The following JAKMIP1 variants were observed in gnomAD, a reference collection of about 807,000 sequenced individuals.
JAKMIP1 encodes janus kinase and microtubule-interacting protein 1.
In JAKMIP1, 33 loss-of-function variants were observed where a neutral mutation model predicts 113.0. The observed-to-expected ratio is 0.29, with a 90% CI of 0.22 to 0.39. The LOEUF is 0.39. JAKMIP1 is among the 10% of genes least tolerant of loss of function. JAKMIP1 has a pLI of 1.00. For synonymous variants in JAKMIP1, 480 were observed against 459.9 expected (o/e 1.04, Z -0.56); for missense variants, 813 against 1,080.5 (o/e 0.75, Z 3.47).
At position 6,089,585 on chromosome 4, in the gene JAKMIP1, C is replaced by T. The variant is rs1467145; in HGVS notation, c.625-3956G>A. On this transcript the variant is annotated intron_variant, in intron 3 of 20. Transcript: ENST00000409021. This position sits in a 1 kb window ranked among gnomAD's most constrained non-coding sequence, Gnocchi z 5.3. ...TCAAGTGCAGATTGTACTCTCCAAG[C>T]CCTCCCTGTCCCCTCTGCCCCAAAG... 0.44 allele frequency among the ~76,000 whole-genome samples: 67,135 copies of T among 152,048 alleles called. 15,853 individuals are homozygous for T. Among genetic ancestry groups the T allele is most frequent in the Admixed American group, 0.6 (9,115 of 15,284 alleles).
Position 6,155,872 on chromosome 4 carries a change from AG to A in JAKMIP1, c.-147-42876del, listed in dbSNP as rs1342283199. 6.6e-6 allele frequency among the ~76,000 whole-genome samples: 1 copy of A among 152,120 alleles called. No individual in the cohort carries two copies. The highest frequency in any genetic ancestry group is 1.5e-5 in the Non-Finnish European group (1 of 68,024). ...CTAGACCTCATGAATGGCACTCTCT[AG>A]AGGTGGGGCCTGGCAATCTTAAGTT... On this transcript the variant is annotated intron_variant, in intron 1 of 20. Transcript: ENST00000409021. The surrounding 1 kb of genome is among the most constrained non-coding windows in gnomAD (Gnocchi z 6.1).
At chr4:6,063,476 G>C (rs529640835) in intron 9 of JAKMIP1, among the ~76,000 whole-genome samples, 3 of 152,252 alleles carry the variant, frequency 2.0e-5, no homozygotes, top group African/African-American at 7.2e-5. Context: ...CTGATGGACT[G>C]TTGTGTGCCT....
chr4:6,198,879 C>A (rs1287113619), intron 1 of JAKMIP1, among the ~76,000 whole-genome samples: 6 of 152,250 alleles, frequency 3.9e-5, no homozygotes, highest in Non-Finnish European at 1.5e-5. Context: ...CCCTCCACAC[C>A]AGCGGGTTAC....
chr4:6,106,067 C>A lies in JAKMIP1; in HGVS notation c.130-100G>T. ...GGAGCTGGCCACAGCCTCCCCACGC[C>A]CAAGACACCCACCTGGGCCCACGTT... On this transcript the variant is annotated intron_variant, in intron 2 of 20. Coordinates refer to ENST00000409021, the MANE Select transcript of JAKMIP1 (RefSeq NM_001099433.2). This position sits in a 1 kb window ranked among gnomAD's most constrained non-coding sequence, Gnocchi z 5.9. 2.6e-6 allele frequency: 2 copies of A among 765,508 alleles called. No individual in the cohort carries two copies. Among genetic ancestry groups the A allele is most frequent in the Non-Finnish European group, 4.1e-6 (2 of 482,792 alleles). The allele number at this position is 765,508 out of a possible 1,614,324, so 47.4% of individuals were successfully genotyped here.
In JAKMIP1 at chr4:6,103,058, G is replaced by C. The variant is rs77550860; in HGVS notation, c.624+2415C>G. ...ATCCTGGCCAATGCAATGTTGACTA[G>C]AAGTGGTAATAGTCAACATCTTGTT... On this transcript the variant is annotated intron_variant, in intron 3 of 20. Transcript: ENST00000409021. Among the ~76,000 whole-genome samples, 1,374 of 152,186 alleles carry C rather than the reference G, an allele frequency of 9.0e-3. 20 individuals carry two copies. Among genetic ancestry groups the C allele is most frequent in the African/African-American group, 0.032 (1,324 of 41,502 alleles).
chr4:6,060,535 C>A (rs1019998739), intron 10 of JAKMIP1, 28 bp from the exon 11 acceptor site: 1 of 1,553,892 alleles, frequency 6.4e-7, no homozygotes, highest in Non-Finnish European at 8.9e-7. Context: ...AGGCAGTGAG[C>A]AGGTCACCTC....
chr4:6,066,747 C>A (rs7658648), intron 8 of JAKMIP1, among the ~76,000 whole-genome samples: 28,657 of 151,936 alleles, frequency 0.19, 4,070 homozygotes, highest in African/African-American at 0.4. Flanking sequence ...TCCATTGGGA[C>A]CTTCATCTTG....
chr4:6,069,014 T>C lies in JAKMIP1; in HGVS notation c.1303-4006A>G, dbSNP rs1169325077. 6.6e-6 allele frequency among the ~76,000 whole-genome samples: 1 copy of C among 152,228 alleles called. No individual in the cohort carries two copies. The highest frequency in any genetic ancestry group is 2.4e-5 in the African/African-American group (1 of 41,452). On this transcript the variant is annotated intron_variant, in intron 8 of 20. Transcript: ENST00000409021. This position sits in a 1 kb window ranked among gnomAD's most constrained non-coding sequence, Gnocchi z 4.5. ...CCTACATGTACTCGATTTCTCAATA[T>C]ATTTGTGTCTTTATTAATAAAAAAT... is the stretch of plus-strand genomic sequence containing the variant.
At chr4:6,198,456 G>T (rs73795780) in intron 1 of JAKMIP1, among the ~76,000 whole-genome samples, 204 of 152,294 alleles carry the variant, frequency 1.3e-3, no homozygotes, top group African/African-American at 4.7e-3. Flanking sequence ...TGAGGAACTG[G>T]TGAGGTCGTG....
rs1423509840 is a variant in JAKMIP1 at position 6,076,015 on chromosome 4, A to G, written c.1302+2924T>C. On this transcript the variant is annotated intron_variant, in intron 8 of 20. Transcript: ENST00000409021. The surrounding 1 kb of genome is among the most constrained non-coding windows in gnomAD (Gnocchi z 4.8). ...AACATGGTGAAACCCCGTCTCTACT[A>G]AAAATACAAAATTAGCCAGGCGTGG... Among the ~76,000 whole-genome samples, 1 of 152,142 alleles carries G rather than the reference A, an allele frequency of 6.6e-6. No homozygotes were observed. Among genetic ancestry groups the G allele is most frequent in the Non-Finnish European group, 1.5e-5 (1 of 68,026 alleles).
At position 6,041,728 on chromosome 4, in the gene JAKMIP1, T is replaced by A. The variant is rs558623207; in HGVS notation, c.2097+431A>T. Among the ~76,000 whole-genome samples, 3 of 152,194 alleles carry A rather than the reference T, an allele frequency of 2.0e-5. No homozygotes were observed. In the East Asian group the frequency reaches 5.8e-4, roughly 29 times the overall value. On this transcript the variant is annotated intron_variant, in intron 17 of 20. Coordinates refer to ENST00000409021, the MANE Select transcript of JAKMIP1 (RefSeq NM_001099433.2). ...AAACTAAAGTCCAGTTTCCCAAGTT[T>A]TCATGGCCAGCAAAGATTTGAGCCA...
chr4:6,166,339 C>T (rs1723630012), intron 1 of JAKMIP1, among the ~76,000 whole-genome samples: 1 of 152,212 alleles, frequency 6.6e-6, no homozygotes, highest in Admixed American at 6.5e-5. Flanking sequence ...CCCCTGGGCT[C>T]CCCTCCCCAG....
chr4:6,110,176 AT>A (rs1714685841), intron 2 of JAKMIP1, among the ~76,000 whole-genome samples: 1 of 152,160 alleles, frequency 6.6e-6, no homozygotes, highest in African/African-American at 2.4e-5. Flanking sequence ...ATGTGATTCC[AT>A]TTGGAGATAG....
chr4:6,177,625 G>A (rs1415248155), intron 1 of JAKMIP1, among the ~76,000 whole-genome samples: 1 of 152,180 alleles, frequency 6.6e-6, no homozygotes, highest in East Asian at 1.9e-4. Flanking sequence ...AGGCTGTTGT[G>A]TGGATTAAAC....
At chr4:6,046,555 G>C (rs1316791754) in intron 16 of JAKMIP1, among the ~76,000 whole-genome samples, 3 of 151,810 alleles carry the variant, frequency 2.0e-5, no homozygotes, top group African/African-American at 7.3e-5. Context: ...CCAGCTTGGG[G>C]AGGTTGGTGG....
intron 1 of JAKMIP1, among the ~76,000 whole-genome samples, chr4:6,117,509 A>C (rs62284812): frequency 0.37 from 49,574 of 134,200 alleles, 8,763 homozygotes; most frequent in East Asian, 0.6. Flanking sequence ...TCACAGGACC[A>C]CAGGACCAGG....
Position 6,197,554 on chromosome 4 carries a change from G to T in JAKMIP1, c.-148+2699C>A, listed in dbSNP as rs1219792562. 6.6e-6 allele frequency among the ~76,000 whole-genome samples: 1 copy of T among 152,186 alleles called. No homozygotes were observed. The highest frequency in any genetic ancestry group is 1.5e-5 in the Non-Finnish European group (1 of 68,040). On this transcript the variant is annotated intron_variant, in intron 1 of 20. Coordinates refer to ENST00000409021, the MANE Select transcript of JAKMIP1 (RefSeq NM_001099433.2). This position sits in a 1 kb window ranked among gnomAD's most constrained non-coding sequence, Gnocchi z 6.5. Reference sequence around the variant, plus strand: ...ATCTTCTTACCCAAGATCACACAATGACAAGGGATAAACTACAGGCAAGTC... The same window carrying T: ...ATCTTCTTACCCAAGATCACACAATTACAAGGGATAAACTACAGGCAAGTC...
Position 6,178,982 on chromosome 4 carries a change from G to A in JAKMIP1, c.-148+21271C>T, listed in dbSNP as rs1482442279. Among the ~76,000 whole-genome samples the A allele has an allele frequency of 6.6e-6, 1 of 152,232 alleles. No individual in the cohort carries two copies. The highest frequency in any genetic ancestry group is 1.5e-5 in the Non-Finnish European group (1 of 68,034). On this transcript the variant is annotated intron_variant, in intron 1 of 20. Transcript: ENST00000409021. The surrounding 1 kb of genome is among the most constrained non-coding windows in gnomAD (Gnocchi z 5.5). ...GAATTGTTTCTCTGGAATGTCTTCA[G>A]AATGGATTGCCACATCCAAAAAGAT...
At position 6,106,810 on chromosome 4, in the gene JAKMIP1, C is replaced by G. The variant is rs75151137; in HGVS notation, c.130-843G>C. 6.6e-6 allele frequency among the ~76,000 whole-genome samples: 1 copy of G among 152,146 alleles called. No homozygotes were observed. Among genetic ancestry groups the G allele is most frequent in the Non-Finnish European group, 1.5e-5 (1 of 68,042 alleles). ...TCACTCAACACACATTCCACAGGAA[C>G]GCCTGACAAGCCCTTATTTCCTGAA... On this transcript the variant is annotated intron_variant, in intron 2 of 20. Coordinates refer to ENST00000409021, the MANE Select transcript of JAKMIP1 (RefSeq NM_001099433.2). This position sits in a 1 kb window ranked among gnomAD's most constrained non-coding sequence, Gnocchi z 5.9.
Sources: allele counts gnomAD v4.1 joint callset (sites outside exome capture counted in the v4.1 genomes callset), GRCh38; gene constraint gnomAD v4.1.1; non-coding constraint Gnocchi (gnomAD v3.1); transcripts MANE v1.5; gene names NCBI Gene and HGNC (gene_info 2026-07-23, HGNC 2026-07-21).